The following UNC80 variants were observed in gnomAD, a reference collection of about 807,000 sequenced individuals.
The protein encoded by UNC80 is unc-80 subunit of NALCN channel complex, also known as protein unc-80 homolog.
A neutral mutation model predicts 384.6 loss-of-function variants in UNC80; 164 were observed. The ratio of observed to expected loss-of-function variants is 0.43; its 90% CI spans 0.38 to 0.49. The LOEUF is 0.49. Ranked by LOEUF, UNC80 falls within the 20% of genes least tolerant of loss-of-function variation. The pLI is 0.00. For missense variants in UNC80, 3,330 were observed against 4,143.0 expected (o/e 0.80, Z 5.39); for synonymous variants, 1,486 against 1,527.8 (o/e 0.97, Z 0.64).
chr2:209,920,366 A>C (rs777185468), intron 33 of UNC80, among the ~76,000 whole-genome samples: 4 of 152,196 alleles, frequency 2.6e-5, no homozygotes, highest in Non-Finnish European at 4.4e-5. Flanking sequence ...ATTGTGCATA[A>C]ACATTACTTC....
At chr2:209,821,374 G>A (rs2080123994) in intron 13 of UNC80, among the ~76,000 whole-genome samples, 1 of 151,834 alleles carries the variant, frequency 6.6e-6, no homozygotes. Flanking sequence ...CGGATTGAGG[G>A]ATTACAGCTT....
In UNC80 at chr2:209,820,470, G is replaced by A; in HGVS notation, c.2122G>A (p.Glu708Lys). 1 of 1,551,686 alleles carries A rather than the reference G, an allele frequency of 6.4e-7. No individual in the cohort carries two copies. The highest frequency in any genetic ancestry group is 8.7e-7 in the Non-Finnish European group (1 of 1,146,998). ...KSENKENETL[E>K]KRPSEGAFQF... ...TGAAAACAAGGAAAATGAGACCTTG[G>A]AAAAGAGGCCAAGTGAGGGAGCTTT... The change falls in exon 13 of 65, where the codon GAA (glutamate) becomes AAA (lysine). Residue 708 changes from glutamate (E) to lysine (K), a missense_variant. By Grantham distance (56) the Glu-to-Lys change is moderately conservative. Transcript: ENST00000673920.
Position 209,939,656 on chromosome 2 carries a change from TCAAA to T in UNC80, c.6646+9_6646+12del, listed in dbSNP as rs2091490475. 1.3e-6 allele frequency: 2 copies of T among 1,535,262 alleles called. No individual in the cohort carries two copies. The highest frequency in any genetic ancestry group is 2.0e-5 in the Admixed American group (1 of 49,184). ...TCACTCTTCAGTGATCCTCAAGGTA[TCAAA>T]CAAAGAAACATTGCCTCTCTGGGGC... On this transcript the variant is annotated splice_donor_5th_base_variant and intron_variant, in intron 43 of 64. Coordinates refer to ENST00000673920, the MANE Select transcript of UNC80 (RefSeq NM_001371986.1).
intron 49 of UNC80, among the ~76,000 whole-genome samples, chr2:209,958,166 C>T (rs1353843739): frequency 6.6e-6 from 1 of 152,174 alleles, no homozygotes; most frequent in African/African-American, 2.4e-5. Flanking sequence ...GACATATGCC[C>T]TCAAATGGTG....
intron 22 of UNC80, among the ~76,000 whole-genome samples, chr2:209,862,649 C>CTTTTTTTTTTTTTTTTTT (rs71043955): frequency 1.8e-4 from 14 of 78,800 alleles, no homozygotes; most frequent in Admixed American, 3.7e-4. Flanking sequence ...GCAACCTCTG[C>CTTTTTTTTTTTTTTTTTT]TTTTTTTTTT....
At position 209,933,887 on chromosome 2, in the gene UNC80, C is replaced by G. The variant is rs933328495; in HGVS notation, c.6060C>G (p.Thr2020=). Residue 2020 remains threonine, a synonymous_variant, in exon 39 of 65, where the codon ACC becomes ACG. Transcript: ENST00000673920. ...GGGGGATGGATGCCATTTCAGCCAC[C>G]CTGACATTCCTGTGGGAGGTGGTGG... ...CEWGMDAISA[T]LTFLWEVVGY... 29 of 1,551,204 alleles carry G rather than the reference C, an allele frequency of 1.9e-5. No individual in the cohort carries two copies. Among genetic ancestry groups the G allele is most frequent in the Admixed American group, 1.4e-4 (7 of 50,962 alleles).
intron 23 of UNC80, among the ~76,000 whole-genome samples, chr2:209,876,399 G>T (rs1342744352): frequency 6.6e-6 from 1 of 152,132 alleles, no homozygotes; most frequent in African/African-American, 2.4e-5. Context: ...GATGAATGAA[G>T]GAAGAGACGA....
intron 47 of UNC80, among the ~76,000 whole-genome samples, chr2:209,950,707 T>C (rs7575283): frequency 0.1 from 15,453 of 151,878 alleles, 1,939 homozygotes; most frequent in African/African-American, 0.29. Flanking sequence ...TACAGGCATG[T>C]GCCACCACAC....
intron 14 of UNC80, 82 bp downstream of exon 14, chr2:209,826,135 C>A: frequency 7.4e-7 from 1 of 1,348,902 alleles, no homozygotes; most frequent in Admixed American, 2.9e-5. Context: ...CAATGAGGGT[C>A]AGTGTTCCCT....
chr2:209,858,739 A>T (rs2083129040), intron 22 of UNC80, among the ~76,000 whole-genome samples: 1 of 151,672 alleles, frequency 6.6e-6, no homozygotes, highest in African/African-American at 2.4e-5. Flanking sequence ...TTTATATTTA[A>T]TTTTTTTCAT....
At chr2:209,912,114 C>T (rs1366492583) in intron 29 of UNC80, among the ~76,000 whole-genome samples, 10 of 152,196 alleles carry the variant, frequency 6.6e-5, no homozygotes. Context: ...AGTCATTCAA[C>T]TTGCAGCATC....
chr2:209,994,132 G>C lies in UNC80; in HGVS notation c.9576G>C (p.Ala3192=), dbSNP rs367969794. ...AGCCAGCAGCTGCCCCAACAGATGC[G>C]CTTCCTGCAACAGGCCAACTACAGG... ...QPEPAAAPTD[A]LPATGQLQGC... The change falls in exon 64 of 65, where the codon GCG becomes GCC. Residue 3192 remains alanine (A), a synonymous_variant. Coordinates refer to ENST00000673920, the MANE Select transcript of UNC80 (RefSeq NM_001371986.1). 1 of 1,551,636 alleles carries C rather than the reference G, an allele frequency of 6.4e-7. No individual in the cohort carries two copies. The highest frequency in any genetic ancestry group is 8.7e-7 in the Non-Finnish European group (1 of 1,146,994).
chr2:209,949,059 G>A (rs2092036773), intron 47 of UNC80, among the ~76,000 whole-genome samples: 1 of 152,066 alleles, frequency 6.6e-6, no homozygotes, highest in East Asian at 1.9e-4. Context: ...TAACTGGGTT[G>A]TATAATTATC....
At chr2:209,883,217 T>TC (rs1194395578) in intron 25 of UNC80, among the ~76,000 whole-genome samples, 1 of 152,196 alleles carries the variant, frequency 6.6e-6, no homozygotes, top group African/African-American at 2.4e-5. Flanking sequence ...ACAATTGTTT[T>TC]CTATTTTTAA....
chr2:209,875,795 T>C (rs1370686332), intron 23 of UNC80, among the ~76,000 whole-genome samples: 1 of 152,184 alleles, frequency 6.6e-6, no homozygotes, highest in Non-Finnish European at 1.5e-5. Flanking sequence ...AACACCAATT[T>C]GTCAAAGTCT....
chr2:209,806,295 A>G (rs2078893528), intron 7 of UNC80, among the ~76,000 whole-genome samples: 1 of 152,230 alleles, frequency 6.6e-6, no homozygotes, highest in Admixed American at 6.5e-5. Flanking sequence ...TAATGGTTCC[A>G]TTCTGATTTG....
intron 41 of UNC80, among the ~76,000 whole-genome samples, chr2:209,937,206 G>A (rs1343871542): frequency 6.6e-6 from 1 of 152,160 alleles, no homozygotes; most frequent in African/African-American, 2.4e-5. Context: ...AGACACTTAG[G>A]TATTGATCAT....
chr2:209,967,126 A>G (rs964273439), intron 51 of UNC80, among the ~76,000 whole-genome samples: 1 of 152,202 alleles, frequency 6.6e-6, no homozygotes, highest in Non-Finnish European at 1.5e-5. Context: ...ACACATGCAC[A>G]TTCTCAGAAA....
chr2:209,782,234 C>G (rs1312678539), intron 4 of UNC80, among the ~76,000 whole-genome samples: 1 of 152,192 alleles, frequency 6.6e-6, no homozygotes, highest in Admixed American at 6.5e-5. Flanking sequence ...GAGTACAACT[C>G]CAGCTTCTTA....
Sources: gnomAD v4.1 joint callset for allele counts (sites outside exome capture counted in the v4.1 genomes callset) on GRCh38, gnomAD v4.1.1 for gene constraint, MANE v1.5 for transcripts, NCBI Gene and HGNC (gene_info 2026-07-23, HGNC 2026-07-21) for gene names.